Variants in ICAM1 observed in about 807,000 individuals in gnomAD.
ICAM1 encodes intercellular adhesion molecule 1.
A neutral mutation model predicts 42.3 loss-of-function variants in ICAM1; 28 were observed. The observed-to-expected ratio is 0.66, with a 90% CI of 0.49 to 0.91. The LOEUF is 0.91. Ranked by LOEUF, ICAM1 falls within the 40% of genes least tolerant of loss-of-function variation. The probability of loss-of-function intolerance (pLI) is 0.00; values close to 1 mark genes in which losing one functional copy is unlikely to be tolerated. For missense variants in ICAM1, 637 were observed against 688.6 expected, an observed-to-expected ratio of 0.93 and a Z score of 0.84; for synonymous variants, 304 against 305.9, an observed-to-expected ratio of 0.99 and a Z score of 0.07.
intron 2 of ICAM1, 87 bp from the exon 3 acceptor site, chr19:10,283,394 G>T: frequency 3.0e-6 from 4 of 1,336,030 alleles, no homozygotes; most frequent in Non-Finnish European, 4.1e-6. Context: ...TACTGAAGAG[G>T]TAGGGCTCCC....
At chr19:10,280,035 A>C (rs996986124) in intron 2 of ICAM1, among the ~76,000 whole-genome samples, 1 of 152,148 alleles carries the variant, frequency 6.6e-6, no homozygotes, top group African/African-American at 2.4e-5. Context: ...GAAGCCAATG[A>C]GCAGTTGGCT....
In ICAM1 at chr19:10,283,588, A is replaced by G; in HGVS notation, c.439A>G (p.Thr147Ala). 6.2e-7 allele frequency: 1 copy of G among 1,613,734 alleles called. No homozygotes were observed. Among genetic ancestry groups the G allele is most frequent in the Non-Finnish European group, 8.5e-7 (1 of 1,179,878 alleles). Residue 147 changes from threonine (T) to alanine (A), a missense_variant, in exon 3 of 7, where the codon ACC (threonine) becomes GCC (alanine). Physicochemically the swap from Thr to Ala is moderately conservative, Grantham distance 58 (BLOSUM62 0). Transcript: ENST00000264832. Reference sequence around the variant, plus strand: ...GGGTGGGGCACCCCGGGCCAACCTCACCGTGGTGCTGCTCCGTGGGGAGAA... The same window carrying G: ...GGGTGGGGCACCCCGGGCCAACCTCGCCGTGGTGCTGCTCCGTGGGGAGAA... ...VEGGAPRANL[T>A]VVLLRGEKEL...
At chr19:10,276,340 T>C (rs565610490) in intron 2 of ICAM1, among the ~76,000 whole-genome samples, 1 of 148,650 alleles carries the variant, frequency 6.7e-6, no homozygotes, top group East Asian at 2.1e-4. Context: ...GGTCAGGAGA[T>C]CGAGACCATC....
chr19:10,283,815 AG>A, intron 3 of ICAM1, 29 bp downstream of exon 3: 1 of 999,148 alleles, frequency 1.0e-6, no homozygotes. Context: ...AGCAGGGAGA[AG>A]GTGGGGGTGG....
chr19:10,277,305 C>T (rs1471121657), intron 2 of ICAM1, among the ~76,000 whole-genome samples: 1 of 152,044 alleles, frequency 6.6e-6, no homozygotes. Context: ...CTCAGCCTCC[C>T]GACTAGCTGG....
rs1486889693 is a variant in ICAM1, at chr19:10,285,204, C to T, written c.1516C>T (p.Gln506Ter). Residue 506 changes from glutamine (Q) to a stop codon, truncating the protein, a stop_gained, in exon 7 of 7, where the codon CAG (glutamine) becomes TAG (stop). Transcript: ENST00000264832. LOFTEE classifies it low-confidence loss of function (END_TRUNC). ...AGLSTYLYNR[Q>*]RKIKKYRLQQ... The stretch of plus-strand genomic sequence containing the variant: ...CCTCAGCACGTACCTCTATAACCGC[C>T]AGCGGAAGATCAAGAAATACAGACT... 6.2e-7 allele frequency: 1 copy of T among 1,614,180 alleles called. No individual in the cohort carries two copies. The highest frequency in any genetic ancestry group is 1.3e-5 in the African/African-American group (1 of 75,030).
At chr19:10,274,615 T>C in intron 1 of ICAM1, 150 bp from the exon 2 acceptor site, 2 of 875,660 alleles carry the variant, frequency 2.3e-6, no homozygotes, top group East Asian at 5.3e-5. Flanking sequence ...ACACCCGGCC[T>C]GCTCATGAAT....
chr19:10,277,072 A>T (rs1163634726), intron 2 of ICAM1, among the ~76,000 whole-genome samples: 1 of 152,096 alleles, frequency 6.6e-6, no homozygotes, highest in Non-Finnish European at 1.5e-5. Context: ...GGCTGTATTT[A>T]TGTATAAAAT....
rs1056106066 is a variant in ICAM1 at position 10,284,387 on chromosome 19, T to G, written c.926-16T>G. 1.9e-6 allele frequency: 3 copies of G among 1,612,312 alleles called. No homozygotes were observed. In the African/African-American group the frequency reaches 4.0e-5, roughly 22 times the overall value. On this transcript the variant is annotated splice_polypyrimidine_tract_variant and intron_variant, in intron 4 of 6. Transcript: ENST00000264832. This position sits in a 1 kb window ranked among gnomAD's most constrained non-coding sequence, Gnocchi z 5.4. Reference sequence around the variant, plus strand: ...GACCTGAACCCGGGGCGGGGCTCACTGTGTGCCTATTCCAGGCTTTCCGGC... The same window carrying G: ...GACCTGAACCCGGGGCGGGGCTCACGGTGTGCCTATTCCAGGCTTTCCGGC...
chr19:10,272,499 G>A (rs1489518792), intron 1 of ICAM1, among the ~76,000 whole-genome samples: 2 of 151,760 alleles, frequency 1.3e-5, no homozygotes, highest in East Asian at 1.9e-4. Flanking sequence ...TCCCACCTTC[G>A]GAGGCAGCAG....
rs554016761 is a variant in ICAM1 at position 10,281,084 on chromosome 19, A to G, written c.332-2397A>G. ...GAGACGGGGTTTCACCGTGTTAGCC[A>G]GGATGGTCTTGATCTCCTGACCTCG... On this transcript the variant is annotated intron_variant, in intron 2 of 6. Coordinates refer to ENST00000264832, the MANE Select transcript of ICAM1 (RefSeq NM_000201.3). Among the ~76,000 whole-genome samples, 151 of 150,978 alleles carry G rather than the reference A, an allele frequency of 1.0e-3. 1 individual carries two copies. The highest frequency in any genetic ancestry group is 3.6e-3 in the African/African-American group (146 of 41,090).
chr19:10,282,737 G>A (rs1210795160), intron 2 of ICAM1, among the ~76,000 whole-genome samples: 1 of 151,750 alleles, frequency 6.6e-6, no homozygotes, highest in Non-Finnish European at 1.5e-5. Context: ...TCTAGGCCAG[G>A]CTCATTTACT....
At chr19:10,278,418 C>T (rs1410233137) in intron 2 of ICAM1, among the ~76,000 whole-genome samples, 1 of 152,010 alleles carries the variant, frequency 6.6e-6, no homozygotes, top group Non-Finnish European at 1.5e-5. Context: ...AGCTTTGCTT[C>T]TGATTTGGAG....
chr19:10,272,711 ATG>A (rs2039991247), intron 1 of ICAM1, among the ~76,000 whole-genome samples: 1 of 151,806 alleles, frequency 6.6e-6, no homozygotes, highest in Admixed American at 6.6e-5. Context: ...GACTACAGGC[ATG>A]TGCCATCACA....
chr19:10,284,286 G>A lies in ICAM1; in HGVS notation c.891G>A (p.Gln297=), dbSNP rs951954558. The change falls in exon 4 of 7, where the codon CAG becomes CAA. Residue 297 remains glutamine, a synonymous_variant. Coordinates refer to ENST00000264832, the MANE Select transcript of ICAM1 (RefSeq NM_000201.3). The surrounding 1 kb of genome is among the most constrained non-coding windows in gnomAD (Gnocchi z 5.4). Reference sequence around the variant, plus strand: ...CGTGTGCAGTAATACTGGGGAACCAGAGCCAGGAGACACTGCAGACAGTGA... The same window carrying A: ...CGTGTGCAGTAATACTGGGGAACCAAAGCCAGGAGACACTGCAGACAGTGA... ...RLTCAVILGN[Q]SQETLQTVTI... 1 of 1,613,856 alleles carries A rather than the reference G, an allele frequency of 6.2e-7. No individual in the cohort carries two copies. Among genetic ancestry groups the A allele is most frequent in the Non-Finnish European group, 8.5e-7 (1 of 1,180,034 alleles).
rs759319472 is a variant in ICAM1, at chr19:10,284,500, G to A, written c.1023G>A (p.Thr341=). The A allele has an allele frequency of 1.4e-5, 22 of 1,614,072 alleles. No individual in the cohort carries two copies. Among genetic ancestry groups the A allele is most frequent in the South Asian group, 4.4e-5 (4 of 91,088 alleles). The change falls in exon 5 of 7, where the codon ACG becomes ACA. Residue 341 remains threonine (T), a synonymous_variant. Transcript: ENST00000264832. This position sits in a 1 kb window ranked among gnomAD's most constrained non-coding sequence, Gnocchi z 5.4. ...AGGCCCACCCTAGAGCCAAGGTGAC[G>A]CTGAATGGGGTTCCAGCCCAGCCAC... ...KCEAHPRAKV[T]LNGVPAQPLG...
At chr19:10,275,739 A>C (rs2040011619) in intron 2 of ICAM1, among the ~76,000 whole-genome samples, 1 of 122,522 alleles carries the variant, frequency 8.2e-6, no homozygotes, top group African/African-American at 3.3e-5. Context: ...ACGGAGTCTC[A>C]CTCTGTCGCC....
intron 6 of ICAM1, 29 bp downstream of exon 6, chr19:10,285,057 G>A (rs1324990997): frequency 1.2e-6 from 2 of 1,613,062 alleles, no homozygotes; most frequent in African/African-American, 2.7e-5. Context: ...AGAGCTGGGT[G>A]GGGGCAGGGG....
At chr19:10,272,060 C>T (rs995236265) in intron 1 of ICAM1, among the ~76,000 whole-genome samples, 1 of 152,084 alleles carries the variant, frequency 6.6e-6, no homozygotes, top group African/African-American at 2.4e-5. Flanking sequence ...CCCAGGCGGG[C>T]GAATCACTTA....
Sources: gnomAD v4.1 joint callset for allele counts (sites outside exome capture counted in the v4.1 genomes callset) on GRCh38, gnomAD v4.1.1 for gene constraint, Gnocchi (gnomAD v3.1) non-coding constraint, MANE v1.5 for transcripts, NCBI Gene and HGNC (gene_info 2026-07-23, HGNC 2026-07-21) for gene names.